The following RXRA variants were observed in gnomAD, a reference collection of about 807,000 sequenced individuals.
RXRA encodes the protein retinoid X receptor alpha, also known as retinoic acid receptor RXR-alpha.
In RXRA, 5 loss-of-function variants were observed where a neutral mutation model predicts 44.5. The observed-to-expected ratio is 0.11, with a 90% CI of 0.06 to 0.24. The LOEUF is 0.24. Among genes scored for constraint, RXRA ranks in the 10% least tolerant of loss-of-function variants. The pLI is 1.00. For missense variants in RXRA, 412 were observed against 646.5 expected (o/e 0.64, Z 3.93); for synonymous variants, 291 against 271.4 (o/e 1.07, Z -0.71).
chr9:134,347,736 C>G (rs150095354), intron 1 of RXRA, among the ~76,000 whole-genome samples: 10 of 152,190 alleles, frequency 6.6e-5, no homozygotes, highest in Middle Eastern at 3.4e-3. Context: ...ACGGTGTGTG[C>G]AAAGGCCCCA....
chr9:134,363,687 G>GTCTGCCTGAGC (rs1830380826), intron 1 of RXRA, among the ~76,000 whole-genome samples: 1 of 152,216 alleles, frequency 6.6e-6, no homozygotes, highest in South Asian at 2.1e-4. Context: ...TTTGGCTGCT[G>GTCTGCCTGAGC]TCTGCCTGAG....
chr9:134,358,032 G>A (rs992147671), intron 1 of RXRA, among the ~76,000 whole-genome samples: 2 of 152,228 alleles, frequency 1.3e-5, no homozygotes, highest in African/African-American at 4.8e-5. Context: ...TGTGCTCCCC[G>A]ACATCCCTGC....
chr9:134,408,844 C>G (rs901045412), intron 3 of RXRA, 96 bp from the exon 4 acceptor site: 198 of 1,249,572 alleles, frequency 1.6e-4, no homozygotes, highest in Non-Finnish European at 2.1e-4. Context: ...TTTCTGAGGC[C>G]TGGCCCGCCA....
At chr9:134,378,773 C>T (rs543963680) in intron 1 of RXRA, among the ~76,000 whole-genome samples, 7 of 152,270 alleles carry the variant, frequency 4.6e-5, no homozygotes, top group Admixed American at 2.6e-4. Flanking sequence ...AGGCTGCCCC[C>T]GCAGACCCCA....
At chr9:134,421,541 G>A in intron 5 of RXRA, 135 bp from the exon 6 acceptor site, 1 of 1,014,484 alleles carries the variant, frequency 9.9e-7, no homozygotes. Context: ...CTGGGGATTG[G>A]GGCCTGGGCA....
chr9:134,379,823 C>T (rs934873093), intron 1 of RXRA: 2 of 985,262 alleles, frequency 2.0e-6, no homozygotes, highest in Admixed American at 6.1e-5. Flanking sequence ...AGCTCCAACC[C>T]TGGGGCCTTG....
chr9:134,414,114 A>G (rs1272274731), intron 4 of RXRA, among the ~76,000 whole-genome samples: 2 of 152,220 alleles, frequency 1.3e-5, no homozygotes, highest in East Asian at 1.9e-4. Flanking sequence ...CCCCCAGCCT[A>G]TAAATAAAGC....
chr9:134,339,750 CGT>C (rs545902041), intron 1 of RXRA, among the ~76,000 whole-genome samples: 6,640 of 134,582 alleles, frequency 0.049, 493 homozygotes, highest in African/African-American at 0.17. Context: ...TGTGAGATCC[CGT>C]GTGTGTCTGT....
At chr9:134,348,258 C>G (rs1830178672) in intron 1 of RXRA, among the ~76,000 whole-genome samples, 1 of 152,126 alleles carries the variant, frequency 6.6e-6, no homozygotes, top group South Asian at 2.1e-4. Context: ...GGAAGCCTCC[C>G]AGGAGGTGAA....
intron 1 of RXRA, among the ~76,000 whole-genome samples, chr9:134,339,994 T>C (rs2119025286): frequency 6.6e-6 from 1 of 152,328 alleles, no homozygotes; most frequent in South Asian, 2.1e-4. Context: ...TGTTCCTCTG[T>C]GCACATCTGT....
At chr9:134,431,003 C>T (rs552431235) in intron 7 of RXRA, among the ~76,000 whole-genome samples, 46 of 152,372 alleles carry the variant, frequency 3.0e-4, no homozygotes, top group Non-Finnish European at 4.9e-4. Flanking sequence ...CTGTCCCACC[C>T]TGTTCTCCAG....
At chr9:134,427,921 C>CT (rs1350908526) in intron 6 of RXRA, among the ~76,000 whole-genome samples, 2 of 152,220 alleles carry the variant, frequency 1.3e-5, no homozygotes, top group Non-Finnish European at 2.9e-5. Context: ...CTGAAGGTGA[C>CT]TGTGTGACTG....
At position 134,342,110 on chromosome 9, in the gene RXRA, C is replaced by G. The variant is rs908968114; in HGVS notation, c.28+15451C>G. ...ATGAGGAGGCGTCTCCCTGAAGGCG[C>G]TCTGCTGGGCCCGGGGTGGGGGCTC... On this transcript the variant is annotated intron_variant, in intron 1 of 9. Transcript: ENST00000481739. This position sits in a 1 kb window ranked among gnomAD's most constrained non-coding sequence, Gnocchi z 4.4. Among the ~76,000 whole-genome samples the G allele has an allele frequency of 2.0e-5, 3 of 152,162 alleles. No individual in the cohort carries two copies. The highest frequency in any genetic ancestry group is 4.8e-5 in the African/African-American group (2 of 41,438).
chr9:134,361,273 G>T (rs1375180725), intron 1 of RXRA, among the ~76,000 whole-genome samples: 1 of 152,190 alleles, frequency 6.6e-6, no homozygotes, highest in Non-Finnish European at 1.5e-5. Context: ...TTTCACTGAG[G>T]GGTAAACTGA....
chr9:134,435,193 A>G (rs1831597636), intron 9 of RXRA, among the ~76,000 whole-genome samples: 1 of 152,220 alleles, frequency 6.6e-6, no homozygotes, highest in Admixed American at 6.5e-5. Flanking sequence ...GACTTCGTTA[A>G]TAATTAATGA....
At chr9:134,422,737 T>G in intron 6 of RXRA, 1 of 985,394 alleles carries the variant, frequency 1.0e-6, no homozygotes, top group Non-Finnish European at 1.2e-6. Flanking sequence ...GGGAAGGGCC[T>G]GGGGCCTCAG....
intron 9 of RXRA, 64 bp from the exon 10 acceptor site, chr9:134,436,403 T>C (rs540785324): frequency 6.4e-7 from 1 of 1,558,238 alleles, no homozygotes; most frequent in Non-Finnish European, 8.8e-7. Context: ...CAGGGAGGCC[T>C]CCAGTGCCAG....
chr9:134,422,445 CACTCCCT>C, intron 6 of RXRA: 1 of 1,270,120 alleles, frequency 7.9e-7, no homozygotes, highest in Non-Finnish European at 1.0e-6. Context: ...TCTCCCTAGA[CACTCCCT>C]ACTCCCGGGA....
At chr9:134,395,378 G>A (rs758158237) in intron 1 of RXRA, among the ~76,000 whole-genome samples, 4 of 152,254 alleles carry the variant, frequency 2.6e-5, no homozygotes, top group Non-Finnish European at 5.9e-5. Context: ...GGAAGGGCCC[G>A]TCTCACTGGG....
Sources: allele counts gnomAD v4.1 joint callset (sites outside exome capture counted in the v4.1 genomes callset), GRCh38; gene constraint gnomAD v4.1.1; non-coding constraint Gnocchi (gnomAD v3.1); transcripts MANE v1.5; gene names NCBI Gene and HGNC (gene_info 2026-07-23, HGNC 2026-07-21).